Variants in ZNF440 observed in about 807,000 individuals in gnomAD.
ZNF440 encodes the protein zinc finger protein 440.
Under a neutral mutation model 49.7 loss-of-function variants are expected in ZNF440, and 47 were observed. The observed-to-expected ratio is 0.95, with a 90% CI of 0.75 to 1.21. The LOEUF (loss-of-function observed/expected upper bound fraction) is 1.21, where lower values mean the gene tolerates loss of function less well. ZNF440 is among the 50% of genes most tolerant of loss of function. The probability of loss-of-function intolerance (pLI) is 0.00; values close to 1 mark genes in which losing one functional copy is unlikely to be tolerated. For missense variants in ZNF440, 703 were observed against 715.0 expected (o/e 0.98, Z 0.19); for synonymous variants, 255 against 237.7 (o/e 1.07, Z -0.67).
rs189643112 is a variant in ZNF440, at chr19:11,830,933, A to T, written c.191+256A>T. Among the ~76,000 whole-genome samples the T allele has an allele frequency of 1.1e-4, 17 of 152,196 alleles. No homozygotes were observed. In the East Asian group the frequency reaches 3.1e-3, roughly 28 times the overall value. ...AGAACAGCCTGGGCAACATAACGAG[A>T]CCACATATCAACAACAGCAAAAAAT... On this transcript the variant is annotated intron_variant, in intron 3 of 3. Transcript: ENST00000304060.
At chr19:11,817,675 T>TAAA in intron 1 of ZNF440, 1 of 130,740 alleles carries the variant, frequency 7.6e-6, no homozygotes, top group Non-Finnish European at 1.7e-5. Context: ...TGTCTCTATT[T>TAAA]AAAAAAAAAA....
Position 11,832,876 on chromosome 19 carries a change from A to C in ZNF440, c.1700A>C (p.Glu567Ala). 1.2e-6 allele frequency: 2 copies of C among 1,612,594 alleles called. No homozygotes were observed. Among genetic ancestry groups the C allele is most frequent in the Non-Finnish European group, 1.7e-6 (2 of 1,178,826 alleles). The change falls in exon 4 of 4, where the codon GAG (glutamate) becomes GCG (alanine). Residue 567 changes from glutamate to alanine, a missense_variant. By Grantham distance (107) the Glu-to-Ala change is moderately radical. Coordinates refer to ENST00000304060, the MANE Select transcript of ZNF440 (RefSeq NM_152357.3). The stretch of plus-strand genomic sequence containing the variant: ...GAATACGTGGTAGGACACACAATGG[A>C]GAGAAGCCCTATGCATGTAAGGAAT... ...TFEYVVGHTM[E>A]RSPMHVRNVG...
rs1568243938 is a variant in ZNF440, at chr19:11,831,871, A to T, written c.695A>T (p.Gln232Leu). The change falls in exon 4 of 4, where the codon CAG (glutamine) becomes CTG (leucine). Residue 232 changes from glutamine (Q) to leucine (L), a missense_variant. Coordinates refer to ENST00000304060, the MANE Select transcript of ZNF440 (RefSeq NM_152357.3). ...GGAGAGAAACCATGTGAATGTAAAC[A>T]GTGTGGTAAATCCTTTAGTTATTCT... is the stretch of plus-strand genomic sequence containing the variant. ...HTGEKPCECKQCGKSFSYSAT... is the reference protein window; with the variant it reads ...HTGEKPCECKLCGKSFSYSAT... The T allele has an allele frequency of 1.9e-6, 3 of 1,613,926 alleles. No individual in the cohort carries two copies. Among genetic ancestry groups the T allele is most frequent in the African/African-American group, 1.3e-5 (1 of 74,934 alleles).
Position 11,831,904 on chromosome 19 carries a change from A to T in ZNF440, c.728A>T (p.His243Leu), listed in dbSNP as rs999940597. ...AAATCCTTTAGTTATTCTGCTACCCATCGAATACATAAAAGAACTCACACT... is the reference window on the plus strand; with the variant it reads ...AAATCCTTTAGTTATTCTGCTACCCTTCGAATACATAAAAGAACTCACACT... ...CGKSFSYSAT[H>L]RIHKRTHTGE... is the part of the protein sequence containing the mutation. The change falls in exon 4 of 4, where the codon CAT (histidine) becomes CTT (leucine). Residue 243 changes from histidine (H) to leucine (L), a missense_variant. Transcript: ENST00000304060. The T allele has an allele frequency of 1.2e-6, 2 of 1,613,738 alleles. No homozygotes were observed. The highest frequency in any genetic ancestry group is 1.3e-5 in the African/African-American group (1 of 74,854).
Position 11,831,419 on chromosome 19 carries a change from A to G in ZNF440, c.243A>G (p.Gly81=), listed in dbSNP as rs752658875. Residue 81 remains glycine, a synonymous_variant, in exon 4 of 4, where the codon GGA becomes GGG. Transcript: ENST00000304060. The stretch of plus-strand genomic sequence containing the variant: ...AAATTAAAGATGACAGTCATTGTGG[A>G]GAAACTTTTACCCCAGTTCCAGATG... The part of the protein sequence containing the change: ...VNEIKDDSHC[G]ETFTPVPDDR... 1 of 1,612,568 alleles carries G rather than the reference A, an allele frequency of 6.2e-7. No individual in the cohort carries two copies. Among genetic ancestry groups the G allele is most frequent in the East Asian group, 2.2e-5 (1 of 44,866 alleles).
Position 11,833,169 on chromosome 19 carries a change from T to C in ZNF440, c.*205T>C. On this transcript the variant is annotated 3_prime_UTR_variant, in exon 4 of 4. Coordinates refer to ENST00000304060, the MANE Select transcript of ZNF440 (RefSeq NM_152357.3). ...GAGAACCCCTATGAGTGTAAGCAAT[T>C]TGGGAAAGCCTTCAGATCTGTCAAA... 7.9e-7 allele frequency: 1 copy of C among 1,258,960 alleles called. No individual in the cohort carries two copies. Among genetic ancestry groups the C allele is most frequent in the South Asian group, 1.3e-5 (1 of 76,998 alleles). 78.0% of individuals were successfully genotyped at this position (1,258,960 alleles called of 1,614,324 possible).
chr19:11,814,924 C>T (rs553891099), intron 1 of ZNF440, among the ~76,000 whole-genome samples: 3 of 152,252 alleles, frequency 2.0e-5, no homozygotes, highest in Admixed American at 2.0e-4. Context: ...GTCCTTTCCT[C>T]ATTGGCTAGG....
At chr19:11,828,964 A>G (rs445012) in intron 1 of ZNF440, among the ~76,000 whole-genome samples, 57,515 of 151,964 alleles carry the variant, frequency 0.38, 11,274 homozygotes, top group African/African-American at 0.46. Flanking sequence ...GATTACAGGC[A>G]TGAGCCACCA....
intron 1 of ZNF440, among the ~76,000 whole-genome samples, chr19:11,825,753 A>G (rs1263176588): frequency 6.7e-6 from 1 of 148,682 alleles, no homozygotes; most frequent in Non-Finnish European, 1.5e-5. Context: ...AAGTGCCTGA[A>G]TTCCACTTGT....
chr19:11,831,163 T>C (rs916394604), intron 3 of ZNF440, among the ~76,000 whole-genome samples: 1 of 152,202 alleles, frequency 6.6e-6, no homozygotes. Context: ...AGTATTAAGA[T>C]ACCCCATATA....
At chr19:11,826,707 G>A (rs936643818) in intron 1 of ZNF440, among the ~76,000 whole-genome samples, 4 of 147,686 alleles carry the variant, frequency 2.7e-5, no homozygotes, top group Non-Finnish European at 5.9e-5. Context: ...CTTGTTGCCC[G>A]GACCGGAGTA....
chr19:11,826,059 G>C (rs1021835276), intron 1 of ZNF440, among the ~76,000 whole-genome samples: 4 of 151,936 alleles, frequency 2.6e-5, no homozygotes, highest in Non-Finnish European at 5.9e-5. Flanking sequence ...TGATCCACCC[G>C]CTCGGCCTCC....
intron 1 of ZNF440, among the ~76,000 whole-genome samples, chr19:11,827,307 C>T (rs983339625): frequency 6.6e-6 from 1 of 152,144 alleles, no homozygotes; most frequent in Non-Finnish European, 1.5e-5. Flanking sequence ...CGGTGATCCA[C>T]CCGTCTCTGC....
intron 1 of ZNF440, among the ~76,000 whole-genome samples, chr19:11,825,821 T>TC (rs1419718500): frequency 7.5e-5 from 11 of 147,438 alleles, no homozygotes; most frequent in Non-Finnish European, 1.2e-4. Context: ...TCTTTTCTTT[T>TC]TTTTTTTTTT....
intron 1 of ZNF440, chr19:11,817,140 C>CAT (rs1975741894): frequency 6.6e-6 from 1 of 152,180 alleles, no homozygotes; most frequent in Non-Finnish European, 1.5e-5. Context: ...GGGAAAAACA[C>CAT]AGACTCCAGA....
Position 11,830,294 on chromosome 19 carries a change from T to G in ZNF440, c.15T>G (p.Ala5=). 1 of 1,614,196 alleles carries G rather than the reference T, an allele frequency of 6.2e-7. No individual in the cohort carries two copies. Among genetic ancestry groups the G allele is most frequent in the Non-Finnish European group, 8.5e-7 (1 of 1,180,032 alleles). The change falls in exon 2 of 4, where the codon GCT becomes GCG. Residue 5 remains alanine (A), a synonymous_variant. Transcript: ENST00000304060. The part of the protein sequence containing the change: MDPV[A]FKDVAVNFTQ... ...GTGAGATGTTTCAGGACCCAGTGGC[T>G]TTTAAGGATGTGGCTGTGAACTTCA...
rs1247123480 is a variant in ZNF440, at chr19:11,834,121, TTTTC to T, written c.*1165_*1168del. The stretch of plus-strand genomic sequence containing the variant: ...CTTACATTTTTATCTCAACCTTAAT[TTTTC>T]TTTCTTTTTTTTTTTCCCCCAGAAA... On this transcript the variant is annotated 3_prime_UTR_variant, in exon 4 of 4. Coordinates refer to ENST00000304060, the MANE Select transcript of ZNF440 (RefSeq NM_152357.3). 3.4e-6 allele frequency: 1 copy of T among 293,830 alleles called. No individual in the cohort carries two copies. The highest frequency in any genetic ancestry group is 2.2e-5 in the African/African-American group (1 of 45,474). 18.2% of individuals were successfully genotyped at this position (293,830 alleles called of 1,614,324 possible).
intron 1 of ZNF440, among the ~76,000 whole-genome samples, chr19:11,822,458 G>A (rs1388976554): frequency 3.9e-5 from 6 of 152,164 alleles, no homozygotes; most frequent in African/African-American, 1.4e-4. Flanking sequence ...TTATTCTCCT[G>A]TAGATAACCA....
At chr19:11,821,718 A>C (rs1303032504) in intron 1 of ZNF440, among the ~76,000 whole-genome samples, 1 of 152,252 alleles carries the variant, frequency 6.6e-6, no homozygotes, top group Admixed American at 6.5e-5. Flanking sequence ...TGTTCCAGCC[A>C]GCACGGCCCC....
Sources: allele counts gnomAD v4.1 joint callset (sites outside exome capture counted in the v4.1 genomes callset), GRCh38; gene constraint gnomAD v4.1.1; transcripts MANE v1.5; gene names NCBI Gene and HGNC (gene_info 2026-07-23, HGNC 2026-07-21).